Variants in SLC29A3 observed in about 807,000 individuals in gnomAD.
SLC29A3 encodes the protein equilibrative nucleoside transporter 3.
SLC29A3 carries 18 observed loss-of-function variants against 25.4 expected under a neutral mutation model. That is an observed-to-expected ratio of 0.71 (90% CI 0.49 to 1.05). SLC29A3 has a LOEUF of 1.05. SLC29A3 is among the 50% of genes least tolerant of loss of function. SLC29A3 has a pLI of 0.00. For missense variants in SLC29A3, 586 were observed against 609.0 expected (o/e 0.96, Z 0.40); for synonymous variants, 258 against 267.1 (o/e 0.97, Z 0.33).
At chr10:71,350,931 A>G (rs1846739279) in intron 3 of SLC29A3, among the ~76,000 whole-genome samples, 7 of 152,226 alleles carry the variant, frequency 4.6e-5, no homozygotes, top group Admixed American at 3.3e-4. Flanking sequence ...CGGTGTAACA[A>G]TCAAACACAC....
rs75440730 is a variant in SLC29A3 at position 71,372,166 on chromosome 10, C to A, written c.*95-3529C>A. Among the ~76,000 whole-genome samples the A allele has an allele frequency of 8.0e-3, 1,212 of 152,312 alleles. 24 individuals carry two copies. The highest frequency in any genetic ancestry group is 0.017 in the East Asian group (86 of 5,182). On this transcript the variant is annotated intron_variant and NMD_transcript_variant, in intron 3 of 4. Transcript: ENST00000642772. ...GGCCTGTTAGCATCTTCACGGTGAA[C>A]TTCTTGAAGTCCCTCTGTCTAATCA... is the stretch of plus-strand genomic sequence containing the variant.
chr10:71,345,367 T>C (rs1291360721), intron 3 of SLC29A3, among the ~76,000 whole-genome samples: 1 of 152,196 alleles, frequency 6.6e-6, no homozygotes, highest in Non-Finnish European at 1.5e-5. Context: ...TCTCTCTCTC[T>C]CTTCTCTCTT....
chr10:71,324,821 T>A (rs1259944584), intron 2 of SLC29A3, among the ~76,000 whole-genome samples: 3 of 152,086 alleles, frequency 2.0e-5, no homozygotes, highest in Admixed American at 1.3e-4. Context: ...GGATGCTGGC[T>A]AATCTGACTT....
chr10:71,371,882 A>G (rs1037468653), intron 3 of SLC29A3, among the ~76,000 whole-genome samples: 2 of 152,216 alleles, frequency 1.3e-5, no homozygotes, highest in African/African-American at 2.4e-5. Flanking sequence ...CACTTTTTCA[A>G]TGAGGAAGAA....
chr10:71,323,327 G>A (rs1358960315), intron 2 of SLC29A3, among the ~76,000 whole-genome samples: 2 of 152,248 alleles, frequency 1.3e-5, no homozygotes, highest in Non-Finnish European at 2.9e-5. Context: ...TAACTAAAAT[G>A]AGATGGAAGG....
intron 2 of SLC29A3, among the ~76,000 whole-genome samples, chr10:71,323,452 C>T (rs898233083): frequency 1.3e-5 from 2 of 152,256 alleles, no homozygotes; most frequent in Non-Finnish European, 1.5e-5. Flanking sequence ...CCAAGGCCAC[C>T]TCATAGTGCA....
rs531851937 is a variant in SLC29A3, at chr10:71,361,965, G to A, written c.785G>A (p.Arg262Lys). ...TCTCCTCCCTGCAGGTACTACATGA[G>A]GCCTGTTCTTGCGGCCCATGTGTTT... ...SRLEYARYYM[R>K]PVLAAHVFSG... The change falls in exon 6 of 6, where the codon AGG (arginine) becomes AAG (lysine). Residue 262 changes from arginine to lysine, a missense_variant. Coordinates refer to ENST00000373189, the MANE Select transcript of SLC29A3 (RefSeq NM_018344.6). The A allele has an allele frequency of 6.2e-7, 1 of 1,614,086 alleles. No individual in the cohort carries two copies. Among genetic ancestry groups the A allele is most frequent in the African/African-American group, 1.3e-5 (1 of 75,040 alleles).
downstream of SLC29A3, chr10:71,364,791 A>T (rs1847153634): frequency 6.6e-6 from 1 of 152,288 alleles, no homozygotes; most frequent in African/African-American, 2.4e-5. Context: ...TCTGAACTCG[A>T]TACCTACCAA....
At chr10:71,347,087 C>T (rs995520304) in intron 3 of SLC29A3, among the ~76,000 whole-genome samples, 2 of 152,144 alleles carry the variant, frequency 1.3e-5, no homozygotes, top group Non-Finnish European at 2.9e-5. Context: ...CATCTGTTTC[C>T]AGGCTGTGGG....
chr10:71,342,162 C>A (rs572863025), intron 2 of SLC29A3, among the ~76,000 whole-genome samples: 26 of 152,312 alleles, frequency 1.7e-4, no homozygotes, highest in Admixed American at 1.4e-3. Flanking sequence ...GCCACCACAC[C>A]TCATTTTAGA....
At chr10:71,340,821 T>C (rs1278510779) in intron 2 of SLC29A3, among the ~76,000 whole-genome samples, 1 of 152,182 alleles carries the variant, frequency 6.6e-6, no homozygotes. Context: ...GAGTGGAACG[T>C]AGACCTTCGC....
At chr10:71,332,415 G>T (rs148460807) in intron 2 of SLC29A3, among the ~76,000 whole-genome samples, 23 of 152,238 alleles carry the variant, frequency 1.5e-4, no homozygotes, top group African/African-American at 5.5e-4. Context: ...CTCTCAAAGT[G>T]CTGGGATTAC....
At chr10:71,319,628 T>C (rs1050569938) in intron 1 of SLC29A3, 19 of 335,048 alleles carry the variant, frequency 5.7e-5, no homozygotes, top group Middle Eastern at 8.0e-4. Context: ...GCTGATTCTC[T>C]CGGTCCCAGC....
chr10:71,368,612 G>C (rs962128347), intron 3 of SLC29A3, among the ~76,000 whole-genome samples: 1 of 152,200 alleles, frequency 6.6e-6, no homozygotes, highest in Non-Finnish European at 1.5e-5. Flanking sequence ...CTTTGGACAG[G>C]CTGTTTCATT....
intron 4 of SLC29A3, among the ~76,000 whole-genome samples, chr10:71,377,936 C>A (rs1239626263): frequency 2.6e-5 from 4 of 151,718 alleles, no homozygotes; most frequent in African/African-American, 9.7e-5. Context: ...AGTGTCAGAG[C>A]TGGAATTTGA....
intron 2 of SLC29A3, among the ~76,000 whole-genome samples, chr10:71,341,234 AGTG>A (rs1846400086): frequency 7.0e-6 from 1 of 142,408 alleles, no homozygotes; most frequent in African/African-American, 3.1e-5. Flanking sequence ...CTTTGGTGGC[AGTG>A]GTGGCAGCAG....
At chr10:71,329,848 A>G (rs1846079728) in intron 2 of SLC29A3, among the ~76,000 whole-genome samples, 1 of 152,202 alleles carries the variant, frequency 6.6e-6, no homozygotes, top group Admixed American at 6.5e-5. Context: ...ACATCATGAG[A>G]GACTTAGGTG....
chr10:71,380,501 G>T (rs75654739), exon 5 of SLC29A3: 10,268 of 152,236 alleles, frequency 0.067, 469 homozygotes, highest in South Asian at 0.16. Context: ...CACACAACAT[G>T]GGCATGCACA....
intron 1 of SLC29A3, 144 bp from the exon 2 acceptor site, chr10:71,322,612 G>T (rs962267446): frequency 1.1e-6 from 1 of 933,418 alleles, no homozygotes; most frequent in Non-Finnish European, 1.7e-6. Flanking sequence ...TTAAAATGAA[G>T]CTCTCCAACC....
Sources: allele counts gnomAD v4.1 joint callset (sites outside exome capture counted in the v4.1 genomes callset), GRCh38; gene constraint gnomAD v4.1.1; transcripts MANE v1.5; gene names NCBI Gene and HGNC (gene_info 2026-07-23, HGNC 2026-07-21).